Variants in SLC4A7 observed in about 807,000 individuals in gnomAD.
SLC4A7 encodes sodium bicarbonate cotransporter 3.
Under a neutral mutation model 137.6 loss-of-function variants are expected in SLC4A7, and 51 were observed. The ratio of observed to expected loss-of-function variants is 0.37; its 90% confidence interval spans 0.30 to 0.47. SLC4A7 has a LOEUF of 0.47. Among genes scored for constraint, SLC4A7 ranks in the 20% least tolerant of loss-of-function variants. The pLI is 1.00. For synonymous variants in SLC4A7, 542 were observed against 518.6 expected (o/e 1.05, Z -0.61); for missense variants, 1,247 against 1,525.4 (o/e 0.82, Z 3.04).
In SLC4A7 at chr3:27,436,192, A is replaced by C. The variant is rs185995960; in HGVS notation, c.589+196T>G. Among the ~76,000 whole-genome samples, 7 of 152,294 alleles carry C rather than the reference A, an allele frequency of 4.6e-5. No homozygotes were observed. In the East Asian group the frequency reaches 1.3e-3, roughly 29 times the overall value. On this transcript the variant is annotated intron_variant, in intron 5 of 25. Coordinates refer to ENST00000454389, the MANE Select transcript of SLC4A7 (RefSeq NM_001321103.2). ...AACAGACTCTGTATTCGCTTGTGCC[A>C]CTATTCACTCTCTTACTGATACTAC... is the stretch of plus-strand genomic sequence containing the variant.
At position 27,388,380 on chromosome 3, in the gene SLC4A7, A is replaced by G. The variant is rs141236209; in HGVS notation, c.3360+1551T>C. 2.6e-5 allele frequency among the ~76,000 whole-genome samples: 4 copies of G among 152,304 alleles called. No individual in the cohort carries two copies. The East Asian group carries it at 7.7e-4, about 29-fold the overall frequency. On this transcript the variant is annotated intron_variant, in intron 22 of 25. Coordinates refer to ENST00000454389, the MANE Select transcript of SLC4A7 (RefSeq NM_001321103.2). ...GTCAGTGTTTTTTGAGAAAAATTGCATAGGTTTCCATCTTTTCCTTTGGTC... is the reference window on the plus strand; with the variant it reads ...GTCAGTGTTTTTTGAGAAAAATTGCGTAGGTTTCCATCTTTTCCTTTGGTC...
rs146857770 is a variant in SLC4A7 at position 27,395,109 on chromosome 3, G to A, written c.2710C>T (p.His904Tyr). ...LHVPEKFEPT[H>Y]PERGWIISPL... ...CTTATGATCCACCCTCTCTCTGGATGAGTAGGCTGTTAAAAAATTAAATAT... is the reference window on the plus strand; with the variant it reads ...CTTATGATCCACCCTCTCTCTGGATAAGTAGGCTGTTAAAAAATTAAATAT... The change falls in exon 19 of 26, where the codon CAT becomes TAT. Residue 904 changes from histidine to tyrosine, a missense_variant. His to Tyr is a moderately conservative substitution (Grantham distance 83). Around this residue, in one of 6 missense-constraint regions of SLC4A7, gnomAD observed 499 missense variants for 664.2 expected, o/e 0.75. Coordinates refer to ENST00000454389, the MANE Select transcript of SLC4A7 (RefSeq NM_001321103.2). 1,039 of 1,571,512 alleles carry A rather than the reference G, an allele frequency of 6.6e-4. 8 individuals are homozygous for A. Among genetic ancestry groups the A allele is most frequent in the South Asian group, 6.6e-3 (551 of 83,564 alleles).
intron 22 of SLC4A7, 93 bp from the exon 23 acceptor site, chr3:27,386,116 A>T: frequency 1.0e-6 from 1 of 964,378 alleles, no homozygotes; most frequent in Non-Finnish European, 1.5e-6. Flanking sequence ...CTTATAAAAA[A>T]TGCTTCATAT....
At chr3:27,445,823 T>C (rs540178146) in intron 3 of SLC4A7, among the ~76,000 whole-genome samples, 2 of 145,396 alleles carry the variant, frequency 1.4e-5, no homozygotes, top group South Asian at 2.2e-4. Context: ...TCCCAGCTAC[T>C]TGGGAGGCTG....
At chr3:27,385,631 A>T (rs1456238510) in intron 23 of SLC4A7, among the ~76,000 whole-genome samples, 1 of 152,152 alleles carries the variant, frequency 6.6e-6, no homozygotes, top group African/African-American at 2.4e-5. Context: ...TAATTTTTGA[A>T]AAGTATTACT....
Position 27,434,033 on chromosome 3 carries a change from G to C in SLC4A7, c.661C>G (p.Leu221Val). The C allele has an allele frequency of 2.5e-6, 4 of 1,613,232 alleles. No homozygotes were observed. Among genetic ancestry groups the C allele is most frequent in the Non-Finnish European group, 2.5e-6 (3 of 1,179,384 alleles). The change falls in exon 6 of 26, where the codon CTT becomes GTT. Residue 221 changes from leucine to valine, a missense_variant. By Grantham distance (32) the Leu-to-Val change is conservative. Transcript: ENST00000454389. The stretch of plus-strand genomic sequence containing the variant: ...TTCTGATGATGATGTCTCTTCAGAA[G>C]AGCTTCTCTGACATTCTCTCGTATG... ...ESIRENVREALLKRHHHQNEK... is the reference protein window; with the variant it reads ...ESIRENVREAVLKRHHHQNEK...
At chr3:27,443,719 T>C (rs2057392538) in intron 3 of SLC4A7, among the ~76,000 whole-genome samples, 1 of 152,234 alleles carries the variant, frequency 6.6e-6, no homozygotes. Context: ...CTCTGCACAG[T>C]ACCATGCATG....
intron 3 of SLC4A7, among the ~76,000 whole-genome samples, chr3:27,443,246 T>C (rs891945552): frequency 6.6e-6 from 1 of 151,960 alleles, no homozygotes; most frequent in African/African-American, 2.4e-5. Context: ...GCCAGGCTGG[T>C]GTCGAACTCC....
At chr3:27,401,095 G>C (rs2052700470) in intron 15 of SLC4A7, 1 of 358,908 alleles carries the variant, frequency 2.8e-6, no homozygotes, top group Admixed American at 4.6e-5. Flanking sequence ...AGTTAATGAA[G>C]CTAGTTATGT....
intron 24 of SLC4A7, among the ~76,000 whole-genome samples, chr3:27,382,062 C>T (rs569022957): frequency 5.9e-4 from 89 of 151,678 alleles, no homozygotes; most frequent in African/African-American, 2.1e-3. Context: ...AATGAGACTT[C>T]ATCTCAAAAA....
intron 1 of SLC4A7, among the ~76,000 whole-genome samples, chr3:27,476,984 T>C (rs549152411): frequency 6.6e-6 from 1 of 152,310 alleles, no homozygotes; most frequent in Admixed American, 6.5e-5. Context: ...TCCCCAGCCA[T>C]CAGGGAATCT....
chr3:27,434,375 T>C (rs1029248906), intron 5 of SLC4A7, among the ~76,000 whole-genome samples: 3 of 152,210 alleles, frequency 2.0e-5, no homozygotes, highest in African/African-American at 7.2e-5. Context: ...CTTCCCTGTA[T>C]GAATACAATA....
At chr3:27,423,532 T>A (rs2055215316) in intron 8 of SLC4A7, 1 of 152,300 alleles carries the variant, frequency 6.6e-6, no homozygotes, top group Non-Finnish European at 1.5e-5. Context: ...GGTATTTTTT[T>A]GTAATCCATG....
chr3:27,378,812 T>C (rs2050144175), intron 25 of SLC4A7, among the ~76,000 whole-genome samples: 1 of 152,248 alleles, frequency 6.6e-6, no homozygotes, highest in African/African-American at 2.4e-5. Flanking sequence ...TAATCCCTAA[T>C]AGTTATCTAA....
intron 24 of SLC4A7, among the ~76,000 whole-genome samples, chr3:27,381,837 G>A (rs1307416145): frequency 6.6e-6 from 1 of 152,122 alleles, no homozygotes; most frequent in African/African-American, 2.4e-5. Context: ...TGTAATCCCA[G>A]CACTTTGGGA....
chr3:27,474,616 C>A (rs940351146), intron 1 of SLC4A7, among the ~76,000 whole-genome samples: 7 of 151,820 alleles, frequency 4.6e-5, no homozygotes, highest in African/African-American at 1.7e-4. Context: ...GAGGCTGAGG[C>A]AGGAGAATCA....
intron 16 of SLC4A7, among the ~76,000 whole-genome samples, chr3:27,399,039 G>A (rs2052489649): frequency 6.7e-6 from 1 of 149,154 alleles, no homozygotes; most frequent in Admixed American, 6.7e-5. Flanking sequence ...GGCAATCAGA[G>A]ATTAATAGAA....
intron 1 of SLC4A7, 69 bp from the exon 2 acceptor site, chr3:27,452,567 T>G: frequency 2.2e-6 from 2 of 927,694 alleles, no homozygotes; most frequent in Non-Finnish European, 3.2e-6. Flanking sequence ...ATGCATCCTT[T>G]GAAATGGCAA....
chr3:27,400,917 C>T (rs530875260), intron 15 of SLC4A7, 48 bp from the exon 16 acceptor site: 2 of 1,050,226 alleles, frequency 1.9e-6, no homozygotes, highest in South Asian at 2.7e-5. Flanking sequence ...GAATTTCATG[C>T]TTACATTTTA....
Sources: gnomAD v4.1 joint callset for allele counts (sites outside exome capture counted in the v4.1 genomes callset) on GRCh38, gnomAD v4.1.1 for gene constraint, gnomAD v4.1.1 regional missense constraint, MANE v1.5 for transcripts, NCBI Gene and HGNC (gene_info 2026-07-23, HGNC 2026-07-21) for gene names.